The following ZBTB38 variants were observed in gnomAD, a reference collection of about 807,000 sequenced individuals.
The protein encoded by ZBTB38 is zinc finger and BTB domain containing 38.
ZBTB38 carries 20 observed loss-of-function variants against 76.8 expected under a neutral mutation model. The ratio of observed to expected loss-of-function variants is 0.26; its 90% confidence interval spans 0.18 to 0.38. The LOEUF (loss-of-function observed/expected upper bound fraction) is 0.38, where lower values mean the gene tolerates loss of function less well. Among genes scored for constraint, ZBTB38 ranks in the 10% least tolerant of loss-of-function variants. The pLI is 1.00. For missense variants in ZBTB38, 1,082 were observed against 1,482.3 expected (o/e 0.73, Z 4.43); for synonymous variants, 504 against 544.2 (o/e 0.93, Z 1.03).
rs561415415 is a variant in ZBTB38 at position 141,358,836 on chromosome 3, T to G, written c.-738-9785T>G. ...TGAAAACATAGAATTTGTGGTCTTT[T>G]GTCAGTGGCTTCTTTGATTTGGCAC... On this transcript the variant is annotated intron_variant, in intron 1 of 7. Transcript: ENST00000509842. 2.6e-5 allele frequency among the ~76,000 whole-genome samples: 4 copies of G among 152,348 alleles called. 1 individual carries two copies. The highest frequency in any genetic ancestry group is 4.2e-4 in the South Asian group (2 of 4,816).
In ZBTB38 at chr3:141,357,354, G is replaced by T. The variant is rs115218728; in HGVS notation, c.-738-11267G>T. 1.1e-4 allele frequency among the ~76,000 whole-genome samples: 16 copies of T among 152,134 alleles called. No homozygotes were observed. The South Asian group carries it at 2.5e-3, about 24-fold the overall frequency. On this transcript the variant is annotated intron_variant, in intron 1 of 7. Coordinates refer to the ZBTB38 transcript ENST00000509842. ...CATTTGTCTTTCAACAGTGTTTATG[G>T]TGTCTTTAGCCAAACAGGGTTTTTA...
chr3:141,340,988 A>AAGAG (rs754561701), intron 1 of ZBTB38, among the ~76,000 whole-genome samples: 2 of 139,566 alleles, frequency 1.4e-5, no homozygotes, highest in Admixed American at 7.1e-5. Context: ...GAAAGAAAGA[A>AAGAG]AGAGAAAGAA....
At position 141,430,679 on chromosome 3, in the gene ZBTB38, G is replaced by A. The variant is rs548086390; in HGVS notation, c.1-11710G>A. On this transcript the variant is annotated intron_variant, in intron 5 of 5. Coordinates refer to ENST00000321464, the MANE Select transcript of ZBTB38 (RefSeq NM_001376113.1). ...GGGAGTGGGGAGCGGCAGTGCAGTG[G>A]GGGAGGCGGATTTAGATTTAACACC... Among the ~76,000 whole-genome samples, 3 of 152,282 alleles carry A rather than the reference G, an allele frequency of 2.0e-5. No individual in the cohort carries two copies. In the East Asian group the frequency reaches 5.8e-4, roughly 29 times the overall value.
chr3:141,444,596 G>A lies in ZBTB38; in HGVS notation c.2208G>A (p.Met736Ile). 6.2e-7 allele frequency: 1 copy of A among 1,614,186 alleles called. No individual in the cohort carries two copies. The highest frequency in any genetic ancestry group is 8.5e-7 in the Non-Finnish European group (1 of 1,180,024). Reference sequence around the variant, plus strand: ...TGCACAGCAATGCCATTGCTGCCATGACCAGCAGCAACCACAGAGCCTTTT... The same window carrying A: ...TGCACAGCAATGCCATTGCTGCCATAACCAGCAGCAACCACAGAGCCTTTT... ...VIMHSNAIAAMTSSNHRAFSD... is the reference protein window; with the variant it reads ...VIMHSNAIAAITSSNHRAFSD... Residue 736 changes from methionine to isoleucine, a missense_variant, in exon 6 of 6, where the codon ATG becomes ATA. Met to Ile is a conservative substitution (Grantham distance 10). Transcript: ENST00000321464. This position sits in a 1 kb window ranked among gnomAD's most constrained non-coding sequence, Gnocchi z 5.1.
intron 5 of ZBTB38, among the ~76,000 whole-genome samples, chr3:141,435,361 A>G (rs916044308): frequency 6.6e-5 from 10 of 152,200 alleles, no homozygotes; most frequent in Non-Finnish European, 1.5e-4. Flanking sequence ...ACATCTGTGC[A>G]TATAAAATGT....
chr3:141,326,658 T>A (rs1312180765), intron 1 of ZBTB38, among the ~76,000 whole-genome samples: 1 of 152,226 alleles, frequency 6.6e-6, no homozygotes. Context: ...TTTGAAGTGA[T>A]CCAATCTCTG....
intron 5 of ZBTB38, among the ~76,000 whole-genome samples, chr3:141,418,347 G>A (rs2074553188): frequency 1.3e-5 from 2 of 152,128 alleles, no homozygotes. Context: ...TTAGACCTCT[G>A]CCTACAAAAG....
intron 1 of ZBTB38, 33 bp from the exon 2 acceptor site, chr3:141,369,839 T>C (rs149163616): frequency 6.8e-4 from 104 of 152,380 alleles, no homozygotes; most frequent in Middle Eastern, 6.8e-3. Flanking sequence ...ATAGGCCTTA[T>C]GTTTTACTTT....
intron 5 of ZBTB38, chr3:141,425,972 G>T (rs2076303979): frequency 2.7e-6 from 1 of 365,872 alleles, no homozygotes; most frequent in Non-Finnish European, 5.5e-6. Flanking sequence ...GTGTAGAACG[G>T]TGCAGAGCAC....
chr3:141,398,138 A>G (rs2149474363), intron 4 of ZBTB38, among the ~76,000 whole-genome samples: 1 of 152,378 alleles, frequency 6.6e-6, no homozygotes, highest in African/African-American at 2.4e-5. Flanking sequence ...ACACAAAAAC[A>G]GGTATCAGGC....
At chr3:141,404,468 G>A (rs1020536764) in intron 5 of ZBTB38, among the ~76,000 whole-genome samples, 1 of 152,218 alleles carries the variant, frequency 6.6e-6, no homozygotes, top group Middle Eastern at 3.4e-3. Flanking sequence ...TGAGGTGAGC[G>A]CTCTGCTAGG....
chr3:141,435,703 T>C (rs1292100401), intron 5 of ZBTB38, among the ~76,000 whole-genome samples: 4 of 151,096 alleles, frequency 2.6e-5, no homozygotes, highest in African/African-American at 7.3e-5. Context: ...GAGGTTGTAG[T>C]GAGCCAAGAT....
intron 2 of ZBTB38, among the ~76,000 whole-genome samples, chr3:141,373,942 C>G (rs1369819634): frequency 1.3e-5 from 2 of 152,034 alleles, no homozygotes; most frequent in Non-Finnish European, 2.9e-5. Context: ...CCAGCCCAGC[C>G]AAAATCGTGA....
At chr3:141,388,364 T>C (rs1947760636) in intron 4 of ZBTB38, 1 of 152,104 alleles carries the variant, frequency 6.6e-6, no homozygotes, top group Non-Finnish European at 1.5e-5. Flanking sequence ...TTAGGTAATA[T>C]ACAAGAATAC....
At chr3:141,354,160 T>TA (rs1943595523) in intron 1 of ZBTB38, among the ~76,000 whole-genome samples, 1 of 152,222 alleles carries the variant, frequency 6.6e-6, no homozygotes, top group East Asian at 1.9e-4. Flanking sequence ...AGTTAACTTT[T>TA]AAAAAATACC....
chr3:141,394,775 C>T (rs1387292148), intron 4 of ZBTB38, among the ~76,000 whole-genome samples: 1 of 152,220 alleles, frequency 6.6e-6, no homozygotes, highest in African/African-American at 2.4e-5. Context: ...ACTGCATCAT[C>T]CCTGTACTTC....
At chr3:141,334,855 C>T (rs992392663) in intron 1 of ZBTB38, among the ~76,000 whole-genome samples, 5 of 152,220 alleles carry the variant, frequency 3.3e-5, no homozygotes, top group Admixed American at 6.5e-5. Context: ...AATTAAAACA[C>T]CTGATTTTGA....
chr3:141,349,887 T>G (rs1943471350), intron 1 of ZBTB38, among the ~76,000 whole-genome samples: 1 of 151,982 alleles, frequency 6.6e-6, no homozygotes, highest in Admixed American at 6.6e-5. Context: ...AAGAACAGGA[T>G]GCAATGAAAA....
At position 141,445,151 on chromosome 3, in the gene ZBTB38, C is replaced by G. The variant is rs374641758; in HGVS notation, c.2763C>G (p.Asn921Lys). 1.9e-6 allele frequency: 3 copies of G among 1,613,928 alleles called. No individual in the cohort carries two copies. In the African/African-American group the frequency reaches 4.0e-5, roughly 22 times the overall value. Reference sequence around the variant, plus strand: ...ACAAACCGTGGCGCCCTTACTACAACTACAAACCCAAAAAGAAATCCAGAC... The same window carrying G: ...ACAAACCGTGGCGCCCTTACTACAAGTACAAACCCAAAAAGAAATCCAGAC... ...STDKPWRPYY[N>K]YKPKKKSRQL... The change falls in exon 6 of 6, where the codon AAC becomes AAG. Residue 921 changes from asparagine to lysine, a missense_variant. This residue lies in a region of ZBTB38 where 471 missense variants were observed against 581.0 expected (regional missense o/e 0.81). Transcript: ENST00000321464. The surrounding 1 kb of genome is among the most constrained non-coding windows in gnomAD (Gnocchi z 6.5).
Sources: gnomAD v4.1 joint callset for allele counts (sites outside exome capture counted in the v4.1 genomes callset) on GRCh38, gnomAD v4.1.1 for gene constraint, gnomAD v4.1.1 regional missense constraint, Gnocchi (gnomAD v3.1) non-coding constraint, MANE v1.5 for transcripts, NCBI Gene and HGNC (gene_info 2026-07-23, HGNC 2026-07-21) for gene names.